The following ZFAND3 variants were observed in gnomAD, a reference collection of about 807,000 sequenced individuals.
The protein encoded by ZFAND3 is AN1-type zinc finger protein 3.
Under a neutral mutation model 29.6 loss-of-function variants are expected in ZFAND3, and 10 were observed. The observed-to-expected ratio is 0.34, with a 90% confidence interval of 0.21 to 0.57. ZFAND3 has a LOEUF of 0.57. ZFAND3 is among the 20% of genes least tolerant of loss of function. The probability of loss-of-function intolerance (pLI) is 0.86; values close to 1 mark genes in which losing one functional copy is unlikely to be tolerated. For synonymous variants in ZFAND3, 128 were observed against 112.6 expected (o/e 1.14, Z -0.87); for missense variants, 230 against 304.5 (o/e 0.76, Z 1.82).
chr6:37,989,080 G>GC (rs1762717091), intron 2 of ZFAND3, among the ~76,000 whole-genome samples: 2 of 151,946 alleles, frequency 1.3e-5, no homozygotes, highest in African/African-American at 4.8e-5. Context: ...CTAATTTTTT[G>GC]TATTTTTAGT....
chr6:38,042,516 G>A (rs764361821), intron 2 of ZFAND3, among the ~76,000 whole-genome samples: 2 of 151,854 alleles, frequency 1.3e-5, no homozygotes, highest in Non-Finnish European at 2.9e-5. Context: ...GTTTTGCCAT[G>A]TTGGCCAGGC....
At chr6:37,971,251 A>G (rs1762383133) in intron 2 of ZFAND3, among the ~76,000 whole-genome samples, 2 of 152,120 alleles carry the variant, frequency 1.3e-5, no homozygotes, top group South Asian at 4.1e-4. Flanking sequence ...CCCAGCCCTT[A>G]CTTACTGAGC....
chr6:37,946,199 CAAAGTACACTGTA>C (rs1411967447), intron 2 of ZFAND3, among the ~76,000 whole-genome samples: 1 of 152,212 alleles, frequency 6.6e-6, no homozygotes, highest in African/African-American at 2.4e-5. Context: ...GGAACCTTTT[CAAAGTACACTGTA>C]AAGGTCAAGT....
At chr6:37,954,725 G>A (rs780557914) in intron 2 of ZFAND3, among the ~76,000 whole-genome samples, 1 of 152,064 alleles carries the variant, frequency 6.6e-6, no homozygotes, top group African/African-American at 2.4e-5. Flanking sequence ...AACTTCCCAT[G>A]CTTTATTCTG....
At chr6:38,141,341 A>G (rs1461406782) in intron 5 of ZFAND3, among the ~76,000 whole-genome samples, 2 of 152,252 alleles carry the variant, frequency 1.3e-5, no homozygotes, top group South Asian at 2.1e-4. Context: ...TCAGTACGTG[A>G]CCAAACTTGG....
intron 1 of ZFAND3, among the ~76,000 whole-genome samples, chr6:37,847,228 T>A (rs771551939): frequency 2.6e-5 from 4 of 152,162 alleles, no homozygotes; most frequent in African/African-American, 7.2e-5. Context: ...AGAATTATTT[T>A]AAAATATTAG....
At chr6:37,918,267 G>T (rs1306941106) in intron 1 of ZFAND3, among the ~76,000 whole-genome samples, 1 of 151,970 alleles carries the variant, frequency 6.6e-6, no homozygotes, top group Non-Finnish European at 1.5e-5. Flanking sequence ...AGTAGAGATG[G>T]GGTTTCACCA....
intron 2 of ZFAND3, among the ~76,000 whole-genome samples, chr6:38,032,595 C>A (rs1763582697): frequency 6.6e-6 from 1 of 152,150 alleles, no homozygotes; most frequent in South Asian, 2.1e-4. Context: ...AGGTAGAGGT[C>A]TAATTGTTTT....
intron 1 of ZFAND3, among the ~76,000 whole-genome samples, chr6:37,820,505 C>T (rs1006183629): frequency 6.6e-6 from 1 of 152,222 alleles, no homozygotes; most frequent in South Asian, 2.1e-4. Context: ...GATTATATCC[C>T]AGTGCCCCAT....
chr6:38,093,504 A>G (rs972139517), intron 4 of ZFAND3, among the ~76,000 whole-genome samples: 1 of 152,204 alleles, frequency 6.6e-6, no homozygotes, highest in Non-Finnish European at 1.5e-5. Flanking sequence ...CAAATGAATA[A>G]AGAAGAAGAA....
intron 1 of ZFAND3, among the ~76,000 whole-genome samples, chr6:37,899,426 A>G (rs1011918022): frequency 6.6e-6 from 1 of 152,318 alleles, no homozygotes; most frequent in Admixed American, 6.5e-5. Flanking sequence ...GTTAGCCTTT[A>G]ACAATAGTGG....
At chr6:38,103,348 GTATA>G (rs5875613) in intron 4 of ZFAND3, among the ~76,000 whole-genome samples, 8,789 of 143,048 alleles carry the variant, frequency 0.061, 350 homozygotes, top group Non-Finnish European at 0.087. Context: ...GTGTGTGTAT[GTATA>G]TATATATATA....
intron 2 of ZFAND3, among the ~76,000 whole-genome samples, chr6:38,010,604 T>C (rs1196128738): frequency 6.6e-6 from 1 of 151,680 alleles, no homozygotes; most frequent in Non-Finnish European, 1.5e-5. Context: ...CCAACCTTTT[T>C]TTTTTTTTTT....
At chr6:37,946,207 A>G (rs1186237415) in intron 2 of ZFAND3, among the ~76,000 whole-genome samples, 1 of 152,204 alleles carries the variant, frequency 6.6e-6, no homozygotes, top group South Asian at 2.1e-4. Flanking sequence ...TTCAAAGTAC[A>G]CTGTAAAGGT....
intron 4 of ZFAND3, among the ~76,000 whole-genome samples, chr6:38,093,849 C>T (rs549169092): frequency 6.6e-6 from 1 of 152,162 alleles, no homozygotes; most frequent in East Asian, 1.9e-4. Flanking sequence ...GAGGGAGAGA[C>T]AGGGTCGGGC....
At chr6:37,854,656 T>C (rs574239067) in intron 1 of ZFAND3, among the ~76,000 whole-genome samples, 1 of 152,154 alleles carries the variant, frequency 6.6e-6, no homozygotes. Context: ...CTTTATTTTA[T>C]AGATGAGGAA....
intron 1 of ZFAND3, among the ~76,000 whole-genome samples, chr6:37,870,411 G>C (rs112261652): frequency 6.6e-6 from 1 of 151,344 alleles, no homozygotes; most frequent in Non-Finnish European, 1.5e-5. Context: ...AGACCAGCCT[G>C]GCCAACGTGG....
At chr6:37,983,814 A>G (rs930452374) in intron 2 of ZFAND3, among the ~76,000 whole-genome samples, 1 of 152,244 alleles carries the variant, frequency 6.6e-6, no homozygotes, top group African/African-American at 2.4e-5. Context: ...TATAGGCTAT[A>G]CCATATAGCC....
In ZFAND3 at chr6:38,072,216, T is replaced by A. The variant is rs1443243718; in HGVS notation, c.296-10176T>A. Among the ~76,000 whole-genome samples, 6 of 152,154 alleles carry A rather than the reference T, an allele frequency of 3.9e-5. No homozygotes were observed. In the East Asian group the frequency reaches 1.2e-3, roughly 29 times the overall value. ...GCACTTGCCTGTTGTAAAATAACCA[T>A]TTTTGCTCGTTGGTATTTATCACCT... is the stretch of plus-strand genomic sequence containing the variant. On this transcript the variant is annotated intron_variant, in intron 3 of 5. Coordinates refer to ENST00000287218, the MANE Select transcript of ZFAND3 (RefSeq NM_021943.3).
Sources: gnomAD v4.1 joint callset for allele counts (sites outside exome capture counted in the v4.1 genomes callset) on GRCh38, gnomAD v4.1.1 for gene constraint, MANE v1.5 for transcripts, NCBI Gene and HGNC (gene_info 2026-07-23, HGNC 2026-07-21) for gene names.